PARVA: variants seen among roughly 807,000 people sequenced by gnomAD.
The protein encoded by PARVA is parvin alpha, also known as alpha-parvin.
Under a neutral mutation model 52.6 loss-of-function variants are expected in PARVA, and 25 were observed. That is an observed-to-expected ratio of 0.48 (90% confidence interval 0.35 to 0.66). The LOEUF (loss-of-function observed/expected upper bound fraction) is 0.66. Among genes scored for constraint, PARVA ranks in the 30% least tolerant of loss-of-function variants. PARVA has a pLI of 0.01. For synonymous variants in PARVA, 185 were observed against 179.1 expected (o/e 1.03, Z -0.26); for missense variants, 373 against 450.9 (o/e 0.83, Z 1.56).
intron 1 of PARVA, among the ~76,000 whole-genome samples, chr11:12,446,530 G>T (rs564064722): frequency 6.6e-6 from 1 of 152,252 alleles, no homozygotes; most frequent in South Asian, 2.1e-4. Flanking sequence ...CTTACATGGA[G>T]AGTTTTACCT....
intron 1 of PARVA, among the ~76,000 whole-genome samples, chr11:12,403,142 C>T (rs182840182): frequency 8.0e-4 from 122 of 152,360 alleles, no homozygotes; most frequent in African/African-American, 2.9e-3. Context: ...TCCCTTCTCT[C>T]TCCCTTTTTC....
intron 4 of PARVA, chr11:12,479,564 T>C (rs1941057223): frequency 6.6e-6 from 1 of 151,968 alleles, no homozygotes; most frequent in East Asian, 1.9e-4. Flanking sequence ...CCTCCCAAAG[T>C]ACTGTGATTA....
At chr11:12,454,981 A>G (rs1940676797) in intron 1 of PARVA, among the ~76,000 whole-genome samples, 1 of 152,216 alleles carries the variant, frequency 6.6e-6, no homozygotes, top group Admixed American at 6.5e-5. Context: ...AGATTGAAAT[A>G]AGGCCCATGC....
In PARVA at chr11:12,530,563, G is replaced by A. The variant is rs1042861789; in HGVS notation, c.*2638G>A. On this transcript the variant is annotated 3_prime_UTR_variant, in exon 13 of 13. Coordinates refer to ENST00000334956, the MANE Select transcript of PARVA (RefSeq NM_018222.5). The stretch of plus-strand genomic sequence containing the variant: ...AAACCTAAGCCTCCCTCTCTCCTCC[G>A]GCACCCATTACCTCTCCCTGGAGGC... 3 of 151,858 alleles carry A rather than the reference G, an allele frequency of 2.0e-5. No individual in the cohort carries two copies. The highest frequency in any genetic ancestry group is 4.4e-5 in the Non-Finnish European group (3 of 67,988). The allele number at this position is 151,858 out of a possible 1,614,324, so 9.4% of individuals were successfully genotyped here.
intron 1 of PARVA, among the ~76,000 whole-genome samples, chr11:12,415,544 A>G (rs776147802): frequency 1.3e-4 from 20 of 151,136 alleles, no homozygotes; most frequent in Non-Finnish European, 2.8e-4. Context: ...GCTTTAGTCT[A>G]TGAGAAACAA....
At chr11:12,390,124 C>T (rs1262898286) in intron 1 of PARVA, among the ~76,000 whole-genome samples, 1 of 152,140 alleles carries the variant, frequency 6.6e-6, no homozygotes, top group Admixed American at 6.5e-5. Context: ...GACATAAACC[C>T]AGGTGGAGCA....
chr11:12,507,210 G>T (rs570618263), intron 6 of PARVA, among the ~76,000 whole-genome samples: 16 of 152,148 alleles, frequency 1.1e-4, no homozygotes, highest in Admixed American at 1.0e-3. Flanking sequence ...CAGGAGGCTC[G>T]AGAAGGCAGG....
chr11:12,421,237 GA>G (rs752208492), intron 1 of PARVA, among the ~76,000 whole-genome samples: 8 of 152,156 alleles, frequency 5.3e-5, no homozygotes, highest in Middle Eastern at 3.4e-3. Context: ...AGAGGGATTA[GA>G]AATATCTCTG....
Position 12,532,899 on chromosome 11 carries a change from G to C in PARVA, c.*4974G>C, listed in dbSNP as rs1285219448. Among the ~76,000 whole-genome samples the C allele has an allele frequency of 6.6e-6, 1 of 152,212 alleles. No individual in the cohort carries two copies. The highest frequency in any genetic ancestry group is 1.9e-4 in the East Asian group (1 of 5,190). On this transcript the variant is annotated 3_prime_UTR_variant, in exon 13 of 13. Coordinates refer to ENST00000334956, the MANE Select transcript of PARVA (RefSeq NM_018222.5). ...GCTGATTTTTCTCCTTTGAAAAACAGGTTGCCATCTACCTTTTTAAATGTC... is the reference window on the plus strand; with the variant it reads ...GCTGATTTTTCTCCTTTGAAAAACACGTTGCCATCTACCTTTTTAAATGTC...
At chr11:12,504,774 G>GGT (rs58878351) in intron 6 of PARVA, among the ~76,000 whole-genome samples, 10 of 149,336 alleles carry the variant, frequency 6.7e-5, no homozygotes, top group African/African-American at 1.2e-4. Flanking sequence ...AAGGTATGTG[G>GGT]GTGTGTGTGT....
At chr11:12,425,897 C>T (rs1425948021) in intron 1 of PARVA, among the ~76,000 whole-genome samples, 3 of 152,170 alleles carry the variant, frequency 2.0e-5, no homozygotes, top group Non-Finnish European at 2.9e-5. Flanking sequence ...ACGTTTTATT[C>T]GCTTTAGTAA....
intron 1 of PARVA, among the ~76,000 whole-genome samples, chr11:12,421,957 G>C (rs1320480597): frequency 6.6e-6 from 1 of 152,178 alleles, no homozygotes; most frequent in Non-Finnish European, 1.5e-5. Context: ...GAGCCTCCAT[G>C]GTGGCTAAGC....
Position 12,412,586 on chromosome 11 carries a change from G to T in PARVA, c.136+34803G>T, listed in dbSNP as rs548281708. ...AGAAAGTGTGTCAAAAGAGAGGTCTGTTTTGCTACTGATGTGCCAGGCTCT... is the reference window on the plus strand; with the variant it reads ...AGAAAGTGTGTCAAAAGAGAGGTCTTTTTTGCTACTGATGTGCCAGGCTCT... On this transcript the variant is annotated intron_variant, in intron 1 of 12. Coordinates refer to ENST00000334956, the MANE Select transcript of PARVA (RefSeq NM_018222.5). 4.6e-5 allele frequency among the ~76,000 whole-genome samples: 7 copies of T among 152,276 alleles called. No individual in the cohort carries two copies. The East Asian group carries it at 1.2e-3, about 25-fold the overall frequency.
chr11:12,504,173 G>T, intron 5 of PARVA, 141 bp from the exon 6 acceptor site: 2 of 626,314 alleles, frequency 3.2e-6, no homozygotes, highest in Non-Finnish European at 5.8e-6. Flanking sequence ...CAACACCGGG[G>T]ATTACATTTC....
At chr11:12,477,647 T>C (rs1018619308) in intron 3 of PARVA, among the ~76,000 whole-genome samples, 200 bp from the exon 4 acceptor site, 4 of 151,842 alleles carry the variant, frequency 2.6e-5, no homozygotes, top group Admixed American at 2.0e-4. Context: ...ATGCAGGAGG[T>C]TGAGGCAGGA....
intron 1 of PARVA, among the ~76,000 whole-genome samples, chr11:12,395,669 C>G (rs1259160730): frequency 6.6e-6 from 1 of 152,204 alleles, no homozygotes; most frequent in Non-Finnish European, 1.5e-5. Context: ...AAGACTCGGC[C>G]TCTTCCACTG....
At chr11:12,381,185 C>T (rs1318832277) in intron 1 of PARVA, among the ~76,000 whole-genome samples, 1 of 152,166 alleles carries the variant, frequency 6.6e-6, no homozygotes, top group Non-Finnish European at 1.5e-5. Flanking sequence ...TGCTGGATCT[C>T]AATGATCAGT....
chr11:12,489,278 CT>C (rs1941201989), intron 4 of PARVA, among the ~76,000 whole-genome samples: 2 of 151,416 alleles, frequency 1.3e-5, no homozygotes, highest in Non-Finnish European at 2.9e-5. Flanking sequence ...GAACAAGAAA[CT>C]ATTAAGACTG....
intron 12 of PARVA, among the ~76,000 whole-genome samples, chr11:12,526,996 T>C (rs752085009): frequency 6.6e-6 from 1 of 152,144 alleles, no homozygotes; most frequent in Admixed American, 6.5e-5. Context: ...GCCTGCCAGC[T>C]GCCAGTTTCC....
Sources: allele counts gnomAD v4.1 joint callset (sites outside exome capture counted in the v4.1 genomes callset), GRCh38; gene constraint gnomAD v4.1.1; transcripts MANE v1.5; gene names NCBI Gene and HGNC (gene_info 2026-07-23, HGNC 2026-07-21).